The following EHD2 variants were observed in gnomAD, a reference collection of about 807,000 sequenced individuals.
EHD2 encodes EH domain containing 2.
Under a neutral mutation model 41.0 loss-of-function variants are expected in EHD2, and 27 were observed. That is an observed-to-expected ratio of 0.66 (90% CI 0.49 to 0.91). EHD2 has a LOEUF of 0.91. EHD2 is among the 40% of genes least tolerant of loss of function. The pLI is 0.00. For missense variants in EHD2, 673 were observed against 773.9 expected (o/e 0.87, Z 1.55); for synonymous variants, 342 against 341.0 (o/e 1.00, Z -0.03).
At chr19:47,738,311 C>CT (rs1555794265) in intron 5 of EHD2, among the ~76,000 whole-genome samples, 5 of 150,890 alleles carry the variant, frequency 3.3e-5, no homozygotes, top group Non-Finnish European at 5.9e-5. Context: ...TTTCTTTTTT[C>CT]TTTTTTTTTG....
Position 47,719,843 on chromosome 19 carries a change from G to A in EHD2, c.502+1237G>A, listed in dbSNP as rs1198134005. Among the ~76,000 whole-genome samples the A allele has an allele frequency of 2.0e-5, 3 of 151,912 alleles. No homozygotes were observed. Among genetic ancestry groups the A allele is most frequent in the Admixed American group, 6.6e-5 (1 of 15,260 alleles). The stretch of plus-strand genomic sequence containing the variant: ...CCAGGGCAGGGGTGCCGGCAGGGGG[G>A]TTCAAAGGCCATGGGTGGTGGGGGA... On this transcript the variant is annotated intron_variant, in intron 3 of 5. Coordinates refer to ENST00000263277, the MANE Select transcript of EHD2 (RefSeq NM_014601.4). This position sits in a 1 kb window ranked among gnomAD's most constrained non-coding sequence, Gnocchi z 4.1.
chr19:47,727,694 A>G (rs757548707), intron 4 of EHD2, among the ~76,000 whole-genome samples: 9 of 148,818 alleles, frequency 6.0e-5, no homozygotes, highest in Non-Finnish European at 1.2e-4. Context: ...GTGAGACACC[A>G]TTTCTATTAA....
intron 3 of EHD2, among the ~76,000 whole-genome samples, chr19:47,720,135 G>T (rs984026781): frequency 6.6e-6 from 1 of 150,490 alleles, no homozygotes; most frequent in African/African-American, 2.5e-5. Flanking sequence ...GTGTGTGTGC[G>T]CATGTGCCTA....
intron 3 of EHD2, among the ~76,000 whole-genome samples, chr19:47,723,950 G>A (rs1259888011): frequency 6.6e-6 from 1 of 151,060 alleles, no homozygotes; most frequent in East Asian, 1.9e-4. Context: ...CTCCCAAAGT[G>A]CTGGGATTAC....
intron 4 of EHD2, among the ~76,000 whole-genome samples, chr19:47,732,515 C>T (rs1036064047): frequency 6.6e-6 from 1 of 152,104 alleles, no homozygotes; most frequent in African/African-American, 2.4e-5. Flanking sequence ...AACCTCTGGG[C>T]TCAAGTGATC....
At chr19:47,726,320 G>T in intron 4 of EHD2, 96 bp downstream of exon 4, 1 of 1,387,908 alleles carries the variant, frequency 7.2e-7, no homozygotes. Flanking sequence ...CAGGGCCCAG[G>T]TTAGTTAGTT....
At position 47,741,627 on chromosome 19, in the gene EHD2, G is replaced by C. The variant is rs1322607598; in HGVS notation, c.*195G>C. 3.0e-6 allele frequency: 2 copies of C among 656,922 alleles called. No homozygotes were observed. The highest frequency in any genetic ancestry group is 5.2e-6 in the Non-Finnish European group (2 of 385,376). The allele number at this position is 656,922 out of a possible 1,614,324, so 40.7% of individuals were successfully genotyped here. On this transcript the variant is annotated 3_prime_UTR_variant, in exon 6 of 6. Coordinates refer to ENST00000263277, the MANE Select transcript of EHD2 (RefSeq NM_014601.4). This position sits in a 1 kb window ranked among gnomAD's most constrained non-coding sequence, Gnocchi z 4.5. The stretch of plus-strand genomic sequence containing the variant: ...ACCACGGGAGGGACAAGGCTTCTCT[G>C]TCCGCCCTTCACACCTCCAGCCTCA...
intron 2 of EHD2, 131 bp downstream of exon 2, chr19:47,717,147 A>G: frequency 1.7e-6 from 2 of 1,206,082 alleles, no homozygotes; most frequent in Non-Finnish European, 2.3e-6. Context: ...TCCTGGGTTC[A>G]AGCAATTCTC....
intron 5 of EHD2, among the ~76,000 whole-genome samples, chr19:47,740,512 C>T (rs920902747): frequency 1.3e-5 from 2 of 151,226 alleles, no homozygotes; most frequent in African/African-American, 4.9e-5. Context: ...CATTGGGAGG[C>T]TGAGGCGGGC....
At chr19:47,733,227 C>T (rs10425251) in intron 4 of EHD2, 24,837 of 151,254 alleles carry the variant, frequency 0.16, 2,459 homozygotes, top group Middle Eastern at 0.3. Context: ...AGTTTCCAGC[C>T]CTTCTGGGGC....
intron 2 of EHD2, among the ~76,000 whole-genome samples, chr19:47,717,966 G>A (rs894199114): frequency 8.1e-5 from 12 of 148,032 alleles, no homozygotes; most frequent in African/African-American, 2.7e-4. Context: ...CATGGTTGCT[G>A]TGAGGACTTG....
At chr19:47,730,127 A>T (rs1342352861) in intron 4 of EHD2, among the ~76,000 whole-genome samples, 1 of 151,812 alleles carries the variant, frequency 6.6e-6, no homozygotes, top group Non-Finnish European at 1.5e-5. Flanking sequence ...GGCTCCGGAA[A>T]CCCAGACAAA....
intron 5 of EHD2, among the ~76,000 whole-genome samples, chr19:47,738,133 T>A (rs1351527326): frequency 6.6e-6 from 1 of 151,828 alleles, no homozygotes; most frequent in Non-Finnish European, 1.5e-5. Flanking sequence ...CCTCCTGCCT[T>A]GGCCTCCCAA....
At chr19:47,738,021 C>T (rs1308145853) in intron 5 of EHD2, among the ~76,000 whole-genome samples, 1 of 151,856 alleles carries the variant, frequency 6.6e-6, no homozygotes, top group Non-Finnish European at 1.5e-5. Context: ...GCTGGGCCTG[C>T]AGGCATGTGC....
intron 4 of EHD2, 35 bp from the exon 5 acceptor site, chr19:47,736,334 C>T: frequency 1.3e-6 from 2 of 1,576,354 alleles, no homozygotes; most frequent in Non-Finnish European, 1.7e-6. Context: ...CCTGGTGGAC[C>T]CTGATGCAGG....
chr19:47,725,779 C>T, intron 3 of EHD2, 33 bp from the exon 4 acceptor site: 1 of 1,550,284 alleles, frequency 6.5e-7, no homozygotes, highest in East Asian at 2.3e-5. Context: ...GATTTCTGCC[C>T]CTTGCGCCCC....
chr19:47,731,642 A>C (rs1370437762), intron 4 of EHD2: 1 of 151,660 alleles, frequency 6.6e-6, no homozygotes, highest in Non-Finnish European at 1.5e-5. Context: ...TTTTTTATTG[A>C]ACATTTAAGA....
chr19:47,730,405 G>A (rs552592834), intron 4 of EHD2, among the ~76,000 whole-genome samples: 4 of 151,732 alleles, frequency 2.6e-5, no homozygotes, highest in Admixed American at 2.6e-4. Context: ...GTTCATCCAT[G>A]GCTCCCCAGT....
chr19:47,718,759 T>TCTGAGGGAGGAGGGGCTGGGGGC (rs1973661629), intron 3 of EHD2, among the ~76,000 whole-genome samples, 153 bp downstream of exon 3: 2 of 68,142 alleles, frequency 2.9e-5, no homozygotes, highest in African/African-American at 8.4e-5. Context: ...GGGGCTGGGG[T>TCTGAGGGAGGAGGGGCTGGGGGC]CTGGACTCCT....
Sources: gnomAD v4.1 joint callset for allele counts (sites outside exome capture counted in the v4.1 genomes callset) on GRCh38, gnomAD v4.1.1 for gene constraint, Gnocchi (gnomAD v3.1) non-coding constraint, MANE v1.5 for transcripts, NCBI Gene and HGNC (gene_info 2026-07-23, HGNC 2026-07-21) for gene names.